Variants in IGSF22 observed in about 807,000 individuals in gnomAD.
IGSF22 encodes immunoglobulin superfamily, member 22.
A neutral mutation model predicts 127.0 loss-of-function variants in IGSF22; 119 were observed. The observed-to-expected ratio is 0.94, with a 90% CI of 0.81 to 1.09. IGSF22 has a LOEUF of 1.09. Among genes scored for constraint, IGSF22 ranks in the 50% least tolerant of loss-of-function variants. IGSF22 has a pLI of 0.00. For missense variants in IGSF22, 1,518 were observed against 1,716.6 expected (o/e 0.88, Z 2.04); for synonymous variants, 568 against 664.7 (o/e 0.85, Z 2.24).
At chr11:18,705,729 TGCCA>T in intron 22 of IGSF22, 84 bp downstream of exon 22, 1 of 1,202,502 alleles carries the variant, frequency 8.3e-7, no homozygotes. Flanking sequence ...TAAAAAACGG[TGCCA>T]GCCAAATAGT....
chr11:18,708,755 A>T (rs2134158538), intron 18 of IGSF22, among the ~76,000 whole-genome samples: 1 of 152,348 alleles, frequency 6.6e-6, no homozygotes, highest in Middle Eastern at 3.4e-3. Flanking sequence ...AGCTAATGAA[A>T]GGCCACCAGG....
In IGSF22 at chr11:18,721,593, G is replaced by A. The variant is rs761475128; in HGVS notation, c.320C>T (p.Pro107Leu). Residue 107 changes from proline to leucine, a missense_variant, in exon 4 of 23, where the codon CCC becomes CTC. Transcript: ENST00000513874. ...HISWKRESGI[P>L]IKESAKIFYD... The stretch of plus-strand genomic sequence containing the variant: ...GAATATCTTGGCGGACTCCTTGATG[G>A]GGATGCCGCTCTCCCTCTTCCAGGA... 4.3e-6 allele frequency: 7 copies of A among 1,614,128 alleles called. No homozygotes were observed. The highest frequency in any genetic ancestry group is 3.4e-6 in the Non-Finnish European group (4 of 1,180,048).
At chr11:18,719,307 GC>G (rs1848520854) in intron 7 of IGSF22, among the ~76,000 whole-genome samples, 5 of 73,140 alleles carry the variant, frequency 6.8e-5, no homozygotes, top group Middle Eastern at 7.7e-3. Context: ...ACCACACCCA[GC>G]GGTTTTTTTT....
chr11:18,719,584 TG>T, intron 7 of IGSF22, 131 bp downstream of exon 7: 1 of 833,918 alleles, frequency 1.2e-6, no homozygotes, highest in Non-Finnish European at 1.9e-6. Flanking sequence ...GCTTTCACAG[TG>T]GAGAGTACGC....
At chr11:18,715,389 G>C in intron 11 of IGSF22, 43 bp downstream of exon 11, 2 of 1,571,808 alleles carry the variant, frequency 1.3e-6, no homozygotes, top group Non-Finnish European at 1.7e-6. Flanking sequence ...GAATGCCAGG[G>C]TCAGGGGGAT....
rs1469429176 is a variant in IGSF22, at chr11:18,709,867, CTGTTT to C, written c.2702-189_2702-185del. On this transcript the variant is annotated intron_variant, in intron 17 of 22. Transcript: ENST00000513874. This position sits in a 1 kb window ranked among gnomAD's most constrained non-coding sequence, Gnocchi z 4.8. ...TCCAAATTCAAATTCAGTTATCTTA[CTGTTT>C]TAACACTTTCATCCTTAAACTCAAT... Among the ~76,000 whole-genome samples, 1 of 152,210 alleles carries C rather than the reference CTGTTT, an allele frequency of 6.6e-6. No individual in the cohort carries two copies. Among genetic ancestry groups the C allele is most frequent in the Non-Finnish European group, 1.5e-5 (1 of 68,038 alleles).
rs941691676 is a variant in IGSF22, at chr11:18,724,139, T to C, written c.98A>G (p.Lys33Arg). The C allele has an allele frequency of 1.9e-6, 3 of 1,612,874 alleles. No individual in the cohort carries two copies. Among genetic ancestry groups the C allele is most frequent in the African/African-American group, 2.7e-5 (2 of 75,022 alleles). ...CCCATTCCACTTGCCTCCCACGATC[T>C]TGGTTGTCTGGGAGAAGGTCTGCAC... ...THVQTFSQTT[K>R]IVGEEVVRRK... is the part of the protein sequence containing the mutation. The change falls in exon 2 of 23, where the codon AAG (lysine) becomes AGG (arginine). Residue 33 changes from lysine to arginine, a missense_variant. By Grantham distance (26) the Lys-to-Arg change is conservative. This residue lies in a region of IGSF22 where 1,456 missense variants were observed against 1,644.9 expected (regional missense o/e 0.89). Transcript: ENST00000513874.
chr11:18,715,453 T>C lies in IGSF22; in HGVS notation c.1510A>G (p.Thr504Ala). Reference sequence around the variant, plus strand: ...TTACCCTCCACAGTGACGATGGCAGTACTGTAGTATTCAGTAGGGTCTCCA... The same window carrying C: ...TTACCCTCCACAGTGACGATGGCAGCACTGTAGTATTCAGTAGGGTCTCCA... ...QDGDPTEYYS[T>A]AIVTVEERLA... The change falls in exon 11 of 23, where the codon ACT (threonine) becomes GCT (alanine). Residue 504 changes from threonine (T) to alanine (A), a missense_variant. By Grantham distance (58) the Thr-to-Ala change is moderately conservative. Coordinates refer to ENST00000513874, the MANE Select transcript of IGSF22 (RefSeq NM_173588.4). 2 of 1,612,884 alleles carry C rather than the reference T, an allele frequency of 1.2e-6. No homozygotes were observed. The highest frequency in any genetic ancestry group is 1.7e-6 in the Non-Finnish European group (2 of 1,179,862).
Position 18,705,797 on chromosome 11 carries a change from G to C in IGSF22, c.3910+20C>G, listed in dbSNP as rs1460495317. On this transcript the variant is annotated intron_variant, in intron 22 of 22. Transcript: ENST00000513874. The stretch of plus-strand genomic sequence containing the variant: ...TGCGCCTCTCCCCCTCCTCGAGGCC[G>C]GACCCCGCGGCGCCCTCACCATAGA... 2.0e-6 allele frequency: 3 copies of C among 1,522,340 alleles called. No individual in the cohort carries two copies. The highest frequency in any genetic ancestry group is 2.4e-5 in the South Asian group (2 of 82,314). 94.3% of individuals were successfully genotyped at this position (1,522,340 alleles called of 1,614,324 possible). A position where few individuals can be genotyped will look rare whatever the true frequency, so the allele number is the denominator to read the frequency against.
At chr11:18,706,562 T>G in intron 21 of IGSF22, 1 of 308,144 alleles carries the variant, frequency 3.2e-6, no homozygotes, top group Non-Finnish European at 6.0e-6. Context: ...CCTTAACCCC[T>G]AGCCTCCAGG....
rs754771115 is a variant in IGSF22 at position 18,716,263 on chromosome 11, C to G, written c.1246+465G>C. 2.6e-5 allele frequency among the ~76,000 whole-genome samples: 4 copies of G among 152,254 alleles called. No individual in the cohort carries two copies. Among genetic ancestry groups the G allele is most frequent in the Non-Finnish European group, 5.9e-5 (4 of 68,034 alleles). On this transcript the variant is annotated intron_variant, in intron 10 of 22. Transcript: ENST00000513874. This position sits in a 1 kb window ranked among gnomAD's most constrained non-coding sequence, Gnocchi z 4.5. ...GCCTTTTCTTTGGTCTTCTACAGCC[C>G]TTGTGTCTCCCTCCATCACAGCAAT...
rs767277548 is a variant in IGSF22 at position 18,714,042 on chromosome 11, T to C, written c.1905A>G (p.Pro635=). The C allele has an allele frequency of 1.9e-6, 3 of 1,614,292 alleles. No homozygotes were observed. The highest frequency in any genetic ancestry group is 4.5e-5 in the East Asian group (2 of 44,892). ...AHIKVPFRGK[P]LPKVTWYKDG... is the part of the protein sequence containing the mutation. Reference sequence around the variant, plus strand: ...CCTTGTACCATGTCACTTTGGGCAGTGGTTTTCCCCGGAAGGGGACCTTGA... The same window carrying C: ...CCTTGTACCATGTCACTTTGGGCAGCGGTTTTCCCCGGAAGGGGACCTTGA... The change falls in exon 14 of 23, where the codon CCA becomes CCG. Residue 635 remains proline, a synonymous_variant. Transcript: ENST00000513874.
chr11:18,719,675 GC>G, intron 7 of IGSF22, 40 bp downstream of exon 7: 11 of 1,595,658 alleles, frequency 6.9e-6, no homozygotes, highest in Non-Finnish European at 9.4e-6. Flanking sequence ...GTGAAGCCCT[GC>G]CCCTAGCCTG....
At chr11:18,704,728 C>T (rs1315250685) in intron 22 of IGSF22, 190 bp from the exon 23 acceptor site, 20 of 581,214 alleles carry the variant, frequency 3.4e-5, no homozygotes, top group Non-Finnish European at 4.9e-5. Flanking sequence ...TTGTGCCAGG[C>T]AGTTGTGTAC....
At chr11:18,707,282 CTG>C (rs1848258722) in intron 20 of IGSF22, 69 bp from the exon 21 acceptor site, 2 of 1,351,570 alleles carry the variant, frequency 1.5e-6, no homozygotes, top group African/African-American at 2.9e-5. Flanking sequence ...CCCCAGCCAT[CTG>C]CCAAGTCCGA....
chr11:18,717,846 A>T, intron 9 of IGSF22, 85 bp downstream of exon 9: 1 of 1,463,094 alleles, frequency 6.8e-7, no homozygotes. Context: ...CCTCTCTTCA[A>T]TATCCCCATG....
Position 18,710,330 on chromosome 11 carries a change from C to G in IGSF22, c.2698G>C (p.Val900Leu). The change falls in exon 17 of 23, where the codon GTT becomes CTT. Residue 900 changes from valine (V) to leucine (L), a missense_variant. Val to Leu is a conservative substitution (Grantham distance 32). Transcript: ENST00000513874. ...GACCTGGCAGCCGCATACTCACTAA[C>G]AGGATCCTTGGCCACTACTGAGCTG... ...PSSSVVAKDP[V>L]KPPGLVQDLH... is the part of the protein sequence containing the mutation. 1 of 1,614,084 alleles carries G rather than the reference C, an allele frequency of 6.2e-7. No individual in the cohort carries two copies. The highest frequency in any genetic ancestry group is 2.2e-5 in the East Asian group (1 of 44,876).
At chr11:18,712,929 A>G (rs1486992367) in intron 14 of IGSF22, among the ~76,000 whole-genome samples, 1 of 152,134 alleles carries the variant, frequency 6.6e-6, no homozygotes, top group Non-Finnish European at 1.5e-5. Flanking sequence ...TGGCGTGTTG[A>G]ATATAAGTAC....
chr11:18,709,389 G>A lies in IGSF22; in HGVS notation c.2996C>T (p.Pro999Leu). ...CCCAGCCCTCTCTGTGTCCTCACCT[G>A]GTGGTGGCATGGCACGGACCCCCTT... ...LDKGVRAMPPPAAPKFDLSAR... is the reference protein window; with the variant it reads ...LDKGVRAMPPLAAPKFDLSAR... Residue 999 changes from proline (P) to leucine (L), a missense_variant and splice_region_variant, in exon 18 of 23, where the codon CCA (proline) becomes CTA (leucine). By Grantham distance (98) the Pro-to-Leu change is moderately conservative. This residue lies in a region of IGSF22 where 1,456 missense variants were observed against 1,644.9 expected (regional missense o/e 0.89). Coordinates refer to ENST00000513874, the MANE Select transcript of IGSF22 (RefSeq NM_173588.4). The surrounding 1 kb of genome is among the most constrained non-coding windows in gnomAD (Gnocchi z 4.8). The A allele has an allele frequency of 6.2e-7, 1 of 1,613,334 alleles. No individual in the cohort carries two copies. The highest frequency in any genetic ancestry group is 1.3e-5 in the African/African-American group (1 of 75,020).
Sources: gnomAD v4.1 joint callset for allele counts (sites outside exome capture counted in the v4.1 genomes callset) on GRCh38, gnomAD v4.1.1 for gene constraint, gnomAD v4.1.1 regional missense constraint, Gnocchi (gnomAD v3.1) non-coding constraint, MANE v1.5 for transcripts, NCBI Gene and HGNC (gene_info 2026-07-23, HGNC 2026-07-21) for gene names.